ANO4: variants seen among roughly 807,000 people sequenced by gnomAD.
The protein encoded by ANO4 is anoctamin 4, also known as anoctamin-4.
A neutral mutation model predicts 141.9 loss-of-function variants in ANO4; 69 were observed. That is an observed-to-expected ratio of 0.49 (90% CI 0.40 to 0.59). The LOEUF is 0.59. Among genes scored for constraint, ANO4 ranks in the 20% least tolerant of loss-of-function variants. The pLI, the probability that ANO4 is intolerant of heterozygous loss-of-function variation, is 0.00. For synonymous variants in ANO4, 350 were observed against 394.3 expected (o/e 0.89, Z 1.33); for missense variants, 894 against 1,162.2 (o/e 0.77, Z 3.36).
intron 3 of ANO4, among the ~76,000 whole-genome samples, chr12:100,780,975 A>G (rs2033694356): frequency 6.6e-6 from 1 of 152,210 alleles, no homozygotes; most frequent in Admixed American, 6.5e-5. Context: ...TTTAAACTTC[A>G]TTTGCCTGCC....
chr12:100,854,974 CA>C (rs1183658755), intron 1 of ANO4, among the ~76,000 whole-genome samples: 2 of 151,598 alleles, frequency 1.3e-5, no homozygotes, highest in African/African-American at 4.8e-5. Flanking sequence ...TGCTAGCTTT[CA>C]CCTCATGTGG....
intron 14 of ANO4, among the ~76,000 whole-genome samples, chr12:101,050,708 C>T (rs1250984207): frequency 6.6e-6 from 1 of 152,116 alleles, no homozygotes. Flanking sequence ...ATTTCCTAAA[C>T]TTTTCAGGTC....
Position 101,010,742 on chromosome 12 carries a change from A to T in ANO4, c.735-9292A>T, listed in dbSNP as rs1241257345. On this transcript the variant is annotated intron_variant, in intron 8 of 27. Coordinates refer to ENST00000392977, the MANE Select transcript of ANO4 (RefSeq NM_001286615.2). Reference sequence around the variant, plus strand: ...AAGTCTAATTAAGAAAGTTTCCTGAAATATTTATTTTTAAGGCATTAACCT... The same window carrying T: ...AAGTCTAATTAAGAAAGTTTCCTGATATATTTATTTTTAAGGCATTAACCT... Among the ~76,000 whole-genome samples the T allele has an allele frequency of 3.3e-5, 5 of 152,208 alleles. No individual in the cohort carries two copies. In the East Asian group the frequency reaches 7.7e-4, roughly 23 times the overall value.
Position 100,950,702 on chromosome 12 carries a change from C to G in ANO4, c.456+8167C>G, listed in dbSNP as rs560832016. 2.0e-5 allele frequency among the ~76,000 whole-genome samples: 3 copies of G among 152,296 alleles called. No homozygotes were observed. In the East Asian group the frequency reaches 5.8e-4, roughly 29 times the overall value. ...GCAGGTGCAGCACAGAGCTGGTCTA[C>G]TTTTCAGACACGGGCCCCCACGTCA... On this transcript the variant is annotated intron_variant, in intron 5 of 27. Coordinates refer to ENST00000392977, the MANE Select transcript of ANO4 (RefSeq NM_001286615.2).
intron 1 of ANO4, chr12:100,842,295 G>GTGGTTGT (rs2037310914): frequency 6.6e-6 from 1 of 151,724 alleles, no homozygotes; most frequent in Non-Finnish European, 1.5e-5. Context: ...CATCTTTTAT[G>GTGGTTGT]TGGTTGTTTT....
At chr12:100,783,571 A>T (rs1409223655) in intron 3 of ANO4, among the ~76,000 whole-genome samples, 1 of 152,110 alleles carries the variant, frequency 6.6e-6, no homozygotes, top group Non-Finnish European at 1.5e-5. Context: ...ACCAGTCAGG[A>T]TTCAGTATAG....
At chr12:101,115,455 G>GA (rs766498530) in intron 24 of ANO4, among the ~76,000 whole-genome samples, 4 of 148,856 alleles carry the variant, frequency 2.7e-5, no homozygotes, top group Non-Finnish European at 6.0e-5. Context: ...CCCTGTCTCA[G>GA]AAAAAAAAAG....
intron 1 of ANO4, among the ~76,000 whole-genome samples, chr12:100,839,010 A>G (rs2037094950): frequency 6.6e-6 from 1 of 152,188 alleles, no homozygotes; most frequent in Non-Finnish European, 1.5e-5. Context: ...AAGACTGAGG[A>G]CATCACCAAT....
At chr12:100,837,499 G>A (rs1421828820) in intron 1 of ANO4, among the ~76,000 whole-genome samples, 5 of 151,964 alleles carry the variant, frequency 3.3e-5, no homozygotes, top group Non-Finnish European at 7.4e-5. Context: ...CTCTCGACCG[G>A]GTGCAGTGGT....
At chr12:100,934,088 C>T (rs996307448) in intron 3 of ANO4, among the ~76,000 whole-genome samples, 4 of 151,986 alleles carry the variant, frequency 2.6e-5, no homozygotes, top group African/African-American at 9.7e-5. Context: ...CCGTGCAGAA[C>T]CTCTTTAGTT....
intron 5 of ANO4, among the ~76,000 whole-genome samples, chr12:100,959,251 G>A (rs1217068381): frequency 6.6e-6 from 1 of 152,082 alleles, no homozygotes; most frequent in African/African-American, 2.4e-5. Flanking sequence ...TGTCGCGGGA[G>A]CTCTCCTATT....
intron 7 of ANO4, among the ~76,000 whole-genome samples, chr12:100,985,313 GT>G (rs2044661042): frequency 6.6e-6 from 1 of 152,190 alleles, no homozygotes; most frequent in Non-Finnish European, 1.5e-5. Context: ...CGGCAAGCTG[GT>G]TGCTCAATAT....
intron 11 of ANO4, among the ~76,000 whole-genome samples, chr12:101,040,757 C>A (rs2047380660): frequency 6.6e-6 from 1 of 151,892 alleles, no homozygotes; most frequent in Admixed American, 6.6e-5. Context: ...CTCCCCTAGC[C>A]CCCCACCCCC....
At chr12:100,820,904 C>T (rs1194733503) in intron 1 of ANO4, among the ~76,000 whole-genome samples, 4 of 151,970 alleles carry the variant, frequency 2.6e-5, no homozygotes, top group South Asian at 2.1e-4. Context: ...ATGCAAAGTC[C>T]GGTGATTTGC....
At chr12:100,721,234 TCTAA>T (rs1394622820) in intron 1 of ANO4, among the ~76,000 whole-genome samples, 6 of 152,218 alleles carry the variant, frequency 3.9e-5, no homozygotes, top group African/African-American at 9.6e-5. Context: ...ACTACTGAGC[TCTAA>T]CTATGTTCCA....
intron 16 of ANO4, among the ~76,000 whole-genome samples, chr12:101,086,432 A>C (rs184815449): frequency 1.3e-5 from 2 of 152,324 alleles, no homozygotes; most frequent in Admixed American, 1.3e-4. Flanking sequence ...TAGCTTACAC[A>C]GATTCTCAAC....
chr12:100,978,044 A>G (rs1243295655), intron 7 of ANO4, among the ~76,000 whole-genome samples: 1 of 152,198 alleles, frequency 6.6e-6, no homozygotes, highest in Non-Finnish European at 1.5e-5. Context: ...CCTTTTGCCC[A>G]GGTCAAATGA....
intron 2 of ANO4, among the ~76,000 whole-genome samples, chr12:100,921,394 T>C (rs1468944007): frequency 2.0e-5 from 3 of 152,160 alleles, no homozygotes; most frequent in Non-Finnish European, 2.9e-5. Context: ...ACAGAATTTC[T>C]ACAAAATACT....
intron 24 of ANO4, among the ~76,000 whole-genome samples, chr12:101,116,141 T>C (rs1024034937): frequency 1.3e-5 from 2 of 152,024 alleles, no homozygotes; most frequent in African/African-American, 4.8e-5. Flanking sequence ...CTATTTCCAC[T>C]TGTAAAGGAA....
Sources: allele counts gnomAD v4.1 joint callset (sites outside exome capture counted in the v4.1 genomes callset), GRCh38; gene constraint gnomAD v4.1.1; transcripts MANE v1.5; gene names NCBI Gene and HGNC (gene_info 2026-07-23, HGNC 2026-07-21).